Variants in PDE3A observed in about 807,000 individuals in gnomAD.
PDE3A encodes phosphodiesterase 3A, also known as cGMP-inhibited 3',5'-cyclic phosphodiesterase 3A.
A neutral mutation model predicts 98.3 loss-of-function variants in PDE3A; 43 were observed. The ratio of observed to expected loss-of-function variants is 0.44; its 90% confidence interval spans 0.34 to 0.56. The LOEUF (loss-of-function observed/expected upper bound fraction) is 0.56, where lower values mean the gene tolerates loss of function less well. Among genes scored for constraint, PDE3A ranks in the 20% least tolerant of loss-of-function variants. PDE3A has a pLI of 0.01. For synonymous variants in PDE3A, 663 were observed against 567.9 expected, an observed-to-expected ratio of 1.17 and a Z score of -2.38; for missense variants, 1,427 against 1,440.7, an observed-to-expected ratio of 0.99 and a Z score of 0.15.
At chr12:20,404,826 GT>G (rs60736941) in intron 1 of PDE3A, among the ~76,000 whole-genome samples, 402 of 95,070 alleles carry the variant, frequency 4.2e-3, no homozygotes, top group African/African-American at 0.013. Context: ...AGGTTACAGA[GT>G]TTTTTTTTTT....
At position 20,684,145 on chromosome 12, in the gene PDE3A, T is replaced by C. The variant is rs917051278; in HGVS notation, c.*3874T>C. ...AATTGTGTGATTATCAAATCCTGATTAATGAGAAGTGAATAATCTAAAAAT... is the reference window on the plus strand; with the variant it reads ...AATTGTGTGATTATCAAATCCTGATCAATGAGAAGTGAATAATCTAAAAAT... On this transcript the variant is annotated 3_prime_UTR_variant, in exon 16 of 16. Transcript: ENST00000359062. 5 of 152,294 alleles carry C rather than the reference T, an allele frequency of 3.3e-5. No individual in the cohort carries two copies. The highest frequency in any genetic ancestry group is 1.2e-4 in the African/African-American group (5 of 41,574). The allele number at this position is 152,294 out of a possible 1,614,324, so 9.4% of individuals were successfully genotyped here.
intron 1 of PDE3A, among the ~76,000 whole-genome samples, chr12:20,452,323 T>C (rs565085173): frequency 6.6e-6 from 1 of 152,144 alleles, no homozygotes; most frequent in East Asian, 1.9e-4. Flanking sequence ...TTTTAGAATT[T>C]GGAAGTCATT....
chr12:20,401,588 T>C (rs1944131417), intron 1 of PDE3A, among the ~76,000 whole-genome samples: 1 of 152,122 alleles, frequency 6.6e-6, no homozygotes, highest in African/African-American at 2.4e-5. Context: ...CTAATTCTCA[T>C]CTCTCTATCC....
chr12:20,577,927 G>A (rs1164705018), intron 2 of PDE3A, among the ~76,000 whole-genome samples: 2 of 152,174 alleles, frequency 1.3e-5, no homozygotes, highest in Non-Finnish European at 2.9e-5. Context: ...GGAAGTAGAG[G>A]TGTGAATTCG....
At chr12:20,565,111 T>G (rs1031778527) in intron 2 of PDE3A, among the ~76,000 whole-genome samples, 6 of 152,138 alleles carry the variant, frequency 3.9e-5, no homozygotes, top group Non-Finnish European at 7.4e-5. Context: ...TTTCTTATAT[T>G]CTTTCCCCCA....
intron 1 of PDE3A, among the ~76,000 whole-genome samples, chr12:20,385,749 T>A (rs1410001197): frequency 7.0e-6 from 1 of 142,812 alleles, no homozygotes; most frequent in Non-Finnish European, 1.5e-5. Context: ...TAAGAACACT[T>A]GGACACAGGA....
intron 1 of PDE3A, among the ~76,000 whole-genome samples, chr12:20,421,090 T>A (rs1944504670): frequency 6.6e-6 from 1 of 152,134 alleles, no homozygotes; most frequent in Non-Finnish European, 1.5e-5. Flanking sequence ...AAAACCACAA[T>A]AATATTGACA....
intron 1 of PDE3A, among the ~76,000 whole-genome samples, chr12:20,503,212 T>C (rs1011869197): frequency 2.6e-5 from 4 of 151,996 alleles, no homozygotes; most frequent in Non-Finnish European, 5.9e-5. Context: ...ATATATGAAG[T>C]TTATGAGGTT....
chr12:20,465,535 C>T (rs1019273213), intron 1 of PDE3A, among the ~76,000 whole-genome samples: 34 of 152,000 alleles, frequency 2.2e-4, no homozygotes, highest in Non-Finnish European at 5.9e-5. Context: ...CTCAGCCTCC[C>T]GAGTAGCGGG....
chr12:20,393,288 C>T (rs565452075), intron 1 of PDE3A, among the ~76,000 whole-genome samples: 2 of 152,010 alleles, frequency 1.3e-5, no homozygotes, highest in South Asian at 4.2e-4. Flanking sequence ...TCACATCTTA[C>T]ATAGATGGCG....
chr12:20,650,507 G>T lies in PDE3A; in HGVS notation c.2832G>T (p.Met944Ile), dbSNP rs567843370. Residue 944 changes from methionine to isoleucine, a missense_variant, in exon 14 of 16, where the codon ATG (methionine) becomes ATT (isoleucine). Around this residue, in one of 3 missense-constraint regions of PDE3A, gnomAD observed 273 missense variants for 420.3 expected, o/e 0.65. Coordinates refer to ENST00000359062, the MANE Select transcript of PDE3A (RefSeq NM_000921.5). ...ATGATCGTCTACTGGTTTGTCAAAT[G>T]TGTATAAAGTTGGCTGATATCAATG... ...NENDRLLVCQ[M>I]CIKLADINGP... 1 of 1,610,494 alleles carries T rather than the reference G, an allele frequency of 6.2e-7. No homozygotes were observed. Among genetic ancestry groups the T allele is most frequent in the South Asian group, 1.1e-5 (1 of 90,974 alleles).
intron 15 of PDE3A, among the ~76,000 whole-genome samples, chr12:20,674,441 GGT>G (rs1945580036): frequency 6.6e-6 from 1 of 152,006 alleles, no homozygotes; most frequent in Non-Finnish European, 1.5e-5. Flanking sequence ...TATTATGTGT[GGT>G]GTTTATTATG....
At chr12:20,679,392 C>T (rs188025044) in intron 15 of PDE3A, among the ~76,000 whole-genome samples, 27 of 152,170 alleles carry the variant, frequency 1.8e-4, no homozygotes, top group Admixed American at 3.3e-4. Context: ...GGACTACTGG[C>T]GCCTGCCACC....
At chr12:20,592,480 T>C (rs1489494788) in intron 2 of PDE3A, among the ~76,000 whole-genome samples, 1 of 152,190 alleles carries the variant, frequency 6.6e-6, no homozygotes, top group African/African-American at 2.4e-5. Context: ...ATTTTTTTCC[T>C]TCAGTGTTCT....
intron 1 of PDE3A, among the ~76,000 whole-genome samples, chr12:20,477,456 C>T (rs1310236999): frequency 6.6e-6 from 1 of 152,220 alleles, no homozygotes; most frequent in South Asian, 2.1e-4. Context: ...CAATAATGAA[C>T]CCCTGCTCTG....
chr12:20,585,817 C>T (rs1458822545), intron 2 of PDE3A, among the ~76,000 whole-genome samples: 3 of 151,962 alleles, frequency 2.0e-5, no homozygotes, highest in Non-Finnish European at 4.4e-5. Context: ...TGGTTCATGC[C>T]TTTTCCTTTC....
At position 20,621,512 on chromosome 12, in the gene PDE3A, G is replaced by T. The variant is rs1378992304; in HGVS notation, c.1540+101G>T. 4 of 657,634 alleles carry T rather than the reference G, an allele frequency of 6.1e-6. No individual in the cohort carries two copies. The East Asian group carries it at 8.3e-5, about 14-fold the overall frequency. The allele number at this position is 657,634 out of a possible 1,614,324, so 40.7% of individuals were successfully genotyped here. A position where few individuals can be genotyped will look rare whatever the true frequency, so the allele number is the denominator to read the frequency against. ...ATATTCTGAGGGTGCCCTATATTCA[G>T]ATATGTTTGGTTTGTCTATTCTAAT... is the stretch of plus-strand genomic sequence containing the variant. On this transcript the variant is annotated intron_variant, in intron 5 of 15. Transcript: ENST00000359062.
At chr12:20,470,127 T>G (rs79172502) in intron 1 of PDE3A, among the ~76,000 whole-genome samples, 11,632 of 152,174 alleles carry the variant, frequency 0.076, 980 homozygotes, top group African/African-American at 0.21. Flanking sequence ...TGGATTGTTT[T>G]CTCTTACATA....
At chr12:20,376,663 C>T (rs958891885) in intron 1 of PDE3A, among the ~76,000 whole-genome samples, 1 of 151,690 alleles carries the variant, frequency 6.6e-6, no homozygotes, top group Non-Finnish European at 1.5e-5. Context: ...TTTGTATGTT[C>T]AGGATTTCCA....
Sources: allele counts gnomAD v4.1 joint callset (sites outside exome capture counted in the v4.1 genomes callset), GRCh38; gene constraint gnomAD v4.1.1; regional missense constraint gnomAD v4.1.1; transcripts MANE v1.5; gene names NCBI Gene and HGNC (gene_info 2026-07-23, HGNC 2026-07-21).